SBF2: variants seen among roughly 807,000 people sequenced by gnomAD.
SBF2 encodes the protein SET binding factor 2.
In SBF2, 112 loss-of-function variants were observed where a neutral mutation model predicts 225.2. The ratio of observed to expected loss-of-function variants is 0.50; its 90% CI spans 0.43 to 0.58. SBF2 has a LOEUF of 0.58. Among genes scored for constraint, SBF2 ranks in the 20% least tolerant of loss-of-function variants. The pLI is 0.00. For synonymous variants in SBF2, 763 were observed against 773.3 expected (o/e 0.99, Z 0.22); for missense variants, 1,996 against 2,206.2 (o/e 0.90, Z 1.91).
intron 17 of SBF2, among the ~76,000 whole-genome samples, chr11:9,891,051 G>A (rs980936656): frequency 6.6e-6 from 1 of 151,932 alleles, no homozygotes; most frequent in Non-Finnish European, 1.5e-5. Flanking sequence ...TGGGAGAATC[G>A]CTTGAACCCA....
chr11:10,001,225 T>C (rs529184673), intron 7 of SBF2, among the ~76,000 whole-genome samples: 4 of 152,210 alleles, frequency 2.6e-5, no homozygotes, highest in Non-Finnish European at 5.9e-5. Context: ...AGACATAAAA[T>C]AAATGGAATC....
intron 1 of SBF2, among the ~76,000 whole-genome samples, chr11:10,208,979 A>T (rs1452034648): frequency 1.3e-5 from 2 of 152,192 alleles, no homozygotes; most frequent in Non-Finnish European, 2.9e-5. Flanking sequence ...CAACATTTTT[A>T]AACTAGGGAG....
At chr11:10,149,563 G>C (rs1591070663) in intron 2 of SBF2, 2 of 152,256 alleles carry the variant, frequency 1.3e-5, no homozygotes. Flanking sequence ...GTTGCCAAAG[G>C]TAAGAGTTTT....
intron 1 of SBF2, among the ~76,000 whole-genome samples, chr11:10,274,837 T>C (rs1962832085): frequency 6.6e-6 from 1 of 152,144 alleles, no homozygotes; most frequent in Admixed American, 6.5e-5. Context: ...TGTAGAGCTA[T>C]GTACTACATT....
intron 12 of SBF2, 120 bp downstream of exon 12, chr11:9,992,295 G>T: frequency 2.8e-6 from 2 of 723,298 alleles, no homozygotes; most frequent in South Asian, 2.6e-5. Flanking sequence ...AAATAACATT[G>T]GGATTATTTA....
At chr11:10,171,228 G>T (rs557816622) in intron 2 of SBF2, among the ~76,000 whole-genome samples, 80 of 152,112 alleles carry the variant, frequency 5.3e-4, no homozygotes, top group Non-Finnish European at 1.1e-3. Flanking sequence ...GATATTAGAG[G>T]AAAGGCTTTC....
intron 2 of SBF2, among the ~76,000 whole-genome samples, chr11:10,163,232 A>G (rs1382190323): frequency 6.6e-6 from 1 of 152,172 alleles, no homozygotes. Flanking sequence ...AAAGAATTGT[A>G]ATTACAGCAA....
At chr11:10,189,860 A>G (rs1247426819) in intron 2 of SBF2, among the ~76,000 whole-genome samples, 2 of 152,192 alleles carry the variant, frequency 1.3e-5, no homozygotes, top group African/African-American at 4.8e-5. Context: ...CTTAAAAAGG[A>G]GCTAAGGTCG....
Position 9,858,281 on chromosome 11 carries a change from C to T in SBF2, c.2045G>A (p.Arg682His), listed in dbSNP as rs1293573608. Reference protein sequence around the residue: ...TFYNAVQEQVRSLYLSAKEDN... With the variant: ...TFYNAVQEQVHSLYLSAKEDN... ...TTCCTTGGCTGAGAGATAAAGGGAGCGAACCTGTTCCTGCACTGCATTGTA... is the reference window on the plus strand; with the variant it reads ...TTCCTTGGCTGAGAGATAAAGGGAGTGAACCTGTTCCTGCACTGCATTGTA... The change falls in exon 18 of 40, where the codon CGC becomes CAC. Residue 682 changes from arginine to histidine, a missense_variant. Coordinates refer to ENST00000256190, the MANE Select transcript of SBF2 (RefSeq NM_030962.4). 1.9e-6 allele frequency: 3 copies of T among 1,614,008 alleles called. No individual in the cohort carries two copies. Among genetic ancestry groups the T allele is most frequent in the East Asian group, 4.5e-5 (2 of 44,898 alleles).
intron 1 of SBF2, among the ~76,000 whole-genome samples, chr11:10,217,659 G>T (rs1200558299): frequency 6.6e-6 from 1 of 152,100 alleles, no homozygotes; most frequent in Non-Finnish European, 1.5e-5. Flanking sequence ...AAACTGTGCT[G>T]CTACTTCCTC....
intron 1 of SBF2, among the ~76,000 whole-genome samples, chr11:10,207,262 G>A (rs1867137): frequency 0.2 from 30,687 of 151,820 alleles, 3,361 homozygotes; most frequent in East Asian, 0.29. Flanking sequence ...TAAGGAATGA[G>A]AGGAAAATCC....
chr11:10,112,576 G>C (rs1952928640), intron 2 of SBF2, among the ~76,000 whole-genome samples: 1 of 152,152 alleles, frequency 6.6e-6, no homozygotes, highest in Non-Finnish European at 1.5e-5. Flanking sequence ...AGTGTGAAAT[G>C]GACTAATACA....
At chr11:10,046,829 T>C (rs1480752527) in intron 2 of SBF2, among the ~76,000 whole-genome samples, 1 of 146,690 alleles carries the variant, frequency 6.8e-6, no homozygotes, top group Non-Finnish European at 1.5e-5. Flanking sequence ...GAAACAAAAC[T>C]GCTTTTGTTC....
At chr11:10,053,326 C>T (rs959486731) in intron 2 of SBF2, among the ~76,000 whole-genome samples, 8 of 152,074 alleles carry the variant, frequency 5.3e-5, no homozygotes, top group African/African-American at 1.7e-4. Flanking sequence ...CTAGAGCATG[C>T]ACAAGTTGAG....
intron 16 of SBF2, among the ~76,000 whole-genome samples, chr11:9,938,729 C>G (rs915545755): frequency 3.3e-5 from 5 of 151,936 alleles, no homozygotes; most frequent in African/African-American, 1.2e-4. Context: ...TTCTAATATA[C>G]TGTATAGTTA....
At chr11:9,852,591 G>T in intron 21 of SBF2, 85 bp downstream of exon 21, 1 of 975,244 alleles carries the variant, frequency 1.0e-6, no homozygotes, top group South Asian at 1.3e-5. Context: ...AAGGTTAGGT[G>T]AACATCCTTT....
intron 2 of SBF2, among the ~76,000 whole-genome samples, chr11:10,166,957 G>A (rs1213501147): frequency 7.9e-6 from 1 of 126,122 alleles, no homozygotes; most frequent in African/African-American, 3.0e-5. Flanking sequence ...GCAAGACTCT[G>A]TCTCCACACA....
intron 32 of SBF2, among the ~76,000 whole-genome samples, chr11:9,807,327 TC>T (rs1162876850): frequency 1.3e-5 from 2 of 152,176 alleles, no homozygotes; most frequent in Non-Finnish European, 2.9e-5. Flanking sequence ...CAGTCACATC[TC>T]CCCTACCCTC....
intron 2 of SBF2, among the ~76,000 whole-genome samples, chr11:10,174,843 T>G (rs914125335): frequency 1.3e-5 from 2 of 150,898 alleles, no homozygotes; most frequent in African/African-American, 4.9e-5. Flanking sequence ...CAGAAGACAG[T>G]GGGGGCCAAT....
Sources: allele counts gnomAD v4.1 joint callset (sites outside exome capture counted in the v4.1 genomes callset), GRCh38; gene constraint gnomAD v4.1.1; transcripts MANE v1.5; gene names NCBI Gene and HGNC (gene_info 2026-07-23, HGNC 2026-07-21).